Variants in CNKSR1 observed in about 807,000 individuals in gnomAD.
The protein encoded by CNKSR1 is connector enhancer of kinase suppressor of Ras 1.
In CNKSR1, 88 loss-of-function variants were observed where a neutral mutation model predicts 95.6. The observed-to-expected ratio is 0.92, with a 90% CI of 0.78 to 1.10. The LOEUF (loss-of-function observed/expected upper bound fraction) is 1.10. Ranked by LOEUF, CNKSR1 falls within the 50% of genes least tolerant of loss-of-function variation. The probability of loss-of-function intolerance (pLI) is 0.00; values close to 1 mark genes in which losing one functional copy is unlikely to be tolerated. For synonymous variants in CNKSR1, 355 were observed against 369.7 expected (o/e 0.96, Z 0.46); for missense variants, 836 against 912.0 (o/e 0.92, Z 1.07).
In CNKSR1 at chr1:26,184,911, G is replaced by T. The variant is rs373691750; in HGVS notation, c.1136-103G>T. ...ATGTAGCATTCTGAGCAGAGTGTGG[G>T]TTCAGAGATCTCACTTGGGGATGCT... On this transcript the variant is annotated intron_variant, in intron 13 of 20. Transcript: ENST00000361530. 16 of 1,213,582 alleles carry T rather than the reference G, an allele frequency of 1.3e-5. No individual in the cohort carries two copies. The African/African-American group carries it at 2.1e-4, about 16-fold the overall frequency. The allele number at this position is 1,213,582 out of a possible 1,614,324, so 75.2% of individuals were successfully genotyped here.
rs567832175 is a variant in CNKSR1, at chr1:26,180,036, T to C, written c.53-417T>C. The C allele has an allele frequency of 3.2e-4, 81 of 250,210 alleles. No homozygotes were observed. The South Asian group carries it at 3.6e-3, about 11-fold the overall frequency. 15.5% of individuals were successfully genotyped at this position (250,210 alleles called of 1,614,324 possible). A position where few individuals can be genotyped will look rare whatever the true frequency, so the allele number is the denominator to read the frequency against. On this transcript the variant is annotated intron_variant, in intron 1 of 20. Coordinates refer to ENST00000361530, the MANE Select transcript of CNKSR1 (RefSeq NM_006314.3). Reference sequence around the variant, plus strand: ...CTGTAGTCCCAGCTACTTGGGAGGCTGAGGTGGGAGGATGGATTGAGCCTA... The same window carrying C: ...CTGTAGTCCCAGCTACTTGGGAGGCCGAGGTGGGAGGATGGATTGAGCCTA...
Position 26,184,085 on chromosome 1 carries a change from C to A in CNKSR1, c.870C>A (p.Val290=). The part of the protein sequence containing the change: ...PETPPQTPPQ[V]LDSPHQRSPS... ...TTGTTCCCCAGACGCCCCCTCAGGT[C>A]CTGGACTCCCCGCACCAGAGGAGCC... is the stretch of plus-strand genomic sequence containing the variant. Residue 290 remains valine (V), a synonymous_variant, in exon 10 of 21, where the codon GTC becomes GTA. Coordinates refer to ENST00000361530, the MANE Select transcript of CNKSR1 (RefSeq NM_006314.3). 2.5e-6 allele frequency: 4 copies of A among 1,611,326 alleles called. No individual in the cohort carries two copies. The highest frequency in any genetic ancestry group is 3.4e-6 in the Non-Finnish European group (4 of 1,179,364).
chr1:26,180,855 G>A lies in CNKSR1; in HGVS notation c.351G>A (p.Glu117=). 6.2e-7 allele frequency: 1 copy of A among 1,614,250 alleles called. No homozygotes were observed. Among genetic ancestry groups the A allele is most frequent in the Non-Finnish European group, 8.5e-7 (1 of 1,180,040 alleles). ...TTGATGTCCTCTGTGCAGCTGTGGAGCTGTTGCATGAAGCTGACGCCCTCC... is the reference window on the plus strand; with the variant it reads ...TTGATGTCCTCTGTGCAGCTGTGGAACTGTTGCATGAAGCTGACGCCCTCC... The part of the protein sequence containing the change: ...TPIDVLCAAV[E]LLHEADALLF... Residue 117 remains glutamate, a synonymous_variant, in exon 3 of 21, where the codon GAG becomes GAA. Coordinates refer to ENST00000361530, the MANE Select transcript of CNKSR1 (RefSeq NM_006314.3).
chr1:26,182,080 T>G (rs764648680), intron 4 of CNKSR1, 139 bp downstream of exon 4: 17 of 877,876 alleles, frequency 1.9e-5, no homozygotes, highest in Non-Finnish European at 3.2e-5. Context: ...GCCCTGCCAC[T>G]GGGTATGGGA....
rs753277771 is a variant in CNKSR1, at chr1:26,180,901, C to T, written c.392+5C>T. The T allele has an allele frequency of 1.9e-6, 3 of 1,614,124 alleles. No individual in the cohort carries two copies. Among genetic ancestry groups the T allele is most frequent in the Non-Finnish European group, 2.5e-6 (3 of 1,180,034 alleles). ...CCTCCTCTTCTGGCTCAGCAGGTAC[C>T]CGGGTTGGGGTGACGAGTGAGGGAC... On this transcript the variant is annotated splice_donor_5th_base_variant and intron_variant, in intron 3 of 20. Coordinates refer to ENST00000361530, the MANE Select transcript of CNKSR1 (RefSeq NM_006314.3).
Position 26,180,794 on chromosome 1 carries a change from T to G in CNKSR1, c.290T>G (p.Val97Gly). 1 of 1,614,190 alleles carries G rather than the reference T, an allele frequency of 6.2e-7. No homozygotes were observed. Among genetic ancestry groups the G allele is most frequent in the Non-Finnish European group, 8.5e-7 (1 of 1,180,026 alleles). Reference protein sequence around the residue: ...LGATHDFQSIVQGCLGDCAKT... With the variant: ...LGATHDFQSIGQGCLGDCAKT... The stretch of plus-strand genomic sequence containing the variant: ...GCAACCCATGACTTCCAGAGCATAG[T>G]CCAAGGCTGCCTGGGGGACTGTGCC... The change falls in exon 3 of 21, where the codon GTC (valine) becomes GGC (glycine). Residue 97 changes from valine to glycine, a missense_variant. Coordinates refer to ENST00000361530, the MANE Select transcript of CNKSR1 (RefSeq NM_006314.3).
At chr1:26,189,003 G>C (rs943663016) in intron 20 of CNKSR1, 50 bp downstream of exon 20, 1 of 1,600,198 alleles carries the variant, frequency 6.2e-7, no homozygotes. Flanking sequence ...CTGGGCTTCA[G>C]GCTTTGGTTT....
Position 26,189,796 on chromosome 1 carries a change from C to T in CNKSR1, c.*248C>T. The T allele has an allele frequency of 1.4e-6, 1 of 694,028 alleles. No individual in the cohort carries two copies. The highest frequency in any genetic ancestry group is 2.6e-6 in the Non-Finnish European group (1 of 380,984). The allele number at this position is 694,028 out of a possible 1,614,324, so 43.0% of individuals were successfully genotyped here. A position where few individuals can be genotyped will look rare whatever the true frequency, so the allele number is the denominator to read the frequency against. ...CAGCCCTGCCCCTCCAGTTCCTTGGCAGTTCTCCCCCAAACCAGGTCTGTA... is the reference window on the plus strand; with the variant it reads ...CAGCCCTGCCCCTCCAGTTCCTTGGTAGTTCTCCCCCAAACCAGGTCTGTA... On this transcript the variant is annotated 3_prime_UTR_variant, in exon 21 of 21. Coordinates refer to ENST00000361530, the MANE Select transcript of CNKSR1 (RefSeq NM_006314.3).
In CNKSR1 at chr1:26,188,157, A is replaced by C. The variant is rs1380097744; in HGVS notation, c.1455-77A>C. The C allele has an allele frequency of 4.2e-6, 5 of 1,192,928 alleles. No homozygotes were observed. The East Asian group carries it at 9.4e-5, about 22-fold the overall frequency. 73.9% of individuals were successfully genotyped at this position (1,192,928 alleles called of 1,614,324 possible). A position where few individuals can be genotyped will look rare whatever the true frequency, so the allele number is the denominator to read the frequency against. On this transcript the variant is annotated intron_variant, in intron 16 of 20. Coordinates refer to ENST00000361530, the MANE Select transcript of CNKSR1 (RefSeq NM_006314.3). ...TTGCTCTGAGGATCATTAGAAGATG[A>C]TGTGGGTAAAAAGCCCCCAGCATAC...
rs1325274196 is a variant in CNKSR1 at position 26,188,272 on chromosome 1, A to T, written c.1493A>T (p.Gln498Leu). 6.2e-7 allele frequency: 1 copy of T among 1,613,968 alleles called. No homozygotes were observed. ...CTCATTACCTGCATCTCCAAGTACC[A>T]GTCTCCAGGCCGGGCCCCCCCACCC... ...RHLITCISKY[Q>L]SPGRAPPPRE... Residue 498 changes from glutamine to leucine, a missense_variant, in exon 17 of 21, where the codon CAG (glutamine) becomes CTG (leucine). Coordinates refer to ENST00000361530, the MANE Select transcript of CNKSR1 (RefSeq NM_006314.3).
chr1:26,183,060 A>G lies in CNKSR1; in HGVS notation c.625-137A>G. The G allele has an allele frequency of 3.4e-6, 3 of 871,986 alleles. No homozygotes were observed. In the South Asian group the frequency reaches 4.0e-5, roughly 12 times the overall value. The allele number at this position is 871,986 out of a possible 1,614,324, so 54.0% of individuals were successfully genotyped here. A position where few individuals can be genotyped will look rare whatever the true frequency, so the allele number is the denominator to read the frequency against. ...AGTAGCAAGTCCAAAGTCATACAGC[A>G]AGTCTGGGCAGGACCAGCTTGGGGT... On this transcript the variant is annotated intron_variant, in intron 6 of 20. Transcript: ENST00000361530.
intron 1 of CNKSR1, among the ~76,000 whole-genome samples, chr1:26,178,510 C>T (rs1174965265): frequency 6.6e-6 from 1 of 152,172 alleles, no homozygotes; most frequent in Non-Finnish European, 1.5e-5. Context: ...AAGGAAGGGC[C>T]TCCTGACACA....
intron 3 of CNKSR1, among the ~76,000 whole-genome samples, chr1:26,181,280 CAAAA>C (rs11392737): frequency 1.2e-4 from 6 of 49,156 alleles, no homozygotes; most frequent in Non-Finnish European, 1.7e-4. Context: ...GACTCCCTCT[CAAAA>C]AAAAAAAAAA....
chr1:26,178,430 G>A (rs1221658910), intron 1 of CNKSR1, among the ~76,000 whole-genome samples: 1 of 152,208 alleles, frequency 6.6e-6, no homozygotes, highest in East Asian at 1.9e-4. Flanking sequence ...TATCCAAGGG[G>A]CAAGGTGCTG....
chr1:26,183,421 G>A lies in CNKSR1; in HGVS notation c.753+7G>A. On this transcript the variant is annotated splice_region_variant and intron_variant, in intron 8 of 20. Coordinates refer to ENST00000361530, the MANE Select transcript of CNKSR1 (RefSeq NM_006314.3). ...GATCAACGAGCAGGTGGTGGTGCGT[G>A]AGGAGAGGGACATGGTAGGAGGTGA... 1 of 1,614,086 alleles carries A rather than the reference G, an allele frequency of 6.2e-7. No homozygotes were observed. The highest frequency in any genetic ancestry group is 8.5e-7 in the Non-Finnish European group (1 of 1,179,940).
chr1:26,183,417 G>C lies in CNKSR1; in HGVS notation c.753+3G>C. On this transcript the variant is annotated splice_donor_region_variant and intron_variant, in intron 8 of 20. Coordinates refer to ENST00000361530, the MANE Select transcript of CNKSR1 (RefSeq NM_006314.3). ...TCCAGATCAACGAGCAGGTGGTGGT[G>C]CGTGAGGAGAGGGACATGGTAGGAG... The C allele has an allele frequency of 1.1e-5, 18 of 1,614,118 alleles. No individual in the cohort carries two copies. Among genetic ancestry groups the C allele is most frequent in the Non-Finnish European group, 1.5e-5 (18 of 1,179,980 alleles).
At chr1:26,189,157 C>G in intron 20 of CNKSR1, 122 bp from the exon 21 acceptor site, 1 of 1,366,462 alleles carries the variant, frequency 7.3e-7, no homozygotes, top group Non-Finnish European at 1.0e-6. Flanking sequence ...CACCTAGGCT[C>G]CTCGTGCCAC....
chr1:26,182,872 C>A (rs1388023753), intron 6 of CNKSR1, among the ~76,000 whole-genome samples: 4 of 152,152 alleles, frequency 2.6e-5, no homozygotes, highest in African/African-American at 9.7e-5. Flanking sequence ...AGGATGTGAC[C>A]TTTCTTGGTT....
chr1:26,183,025 GGCC>G (rs2088673497), intron 6 of CNKSR1, among the ~76,000 whole-genome samples, 169 bp from the exon 7 acceptor site: 1 of 152,144 alleles, frequency 6.6e-6, no homozygotes, highest in Non-Finnish European at 1.5e-5. Context: ...AGAAGGCAGA[GGCC>G]CACAGGAGTA....
Sources: allele counts gnomAD v4.1 joint callset (sites outside exome capture counted in the v4.1 genomes callset), GRCh38; gene constraint gnomAD v4.1.1; transcripts MANE v1.5; gene names NCBI Gene and HGNC (gene_info 2026-07-23, HGNC 2026-07-21).